CTHRC1: variants seen among roughly 807,000 people sequenced by gnomAD.
CTHRC1 encodes collagen triple helix repeat containing 1.
A neutral mutation model predicts 25.9 loss-of-function variants in CTHRC1; 21 were observed. The observed-to-expected ratio is 0.81, with a 90% CI of 0.57 to 1.17. CTHRC1 has a LOEUF of 1.17. Ranked by LOEUF, CTHRC1 falls within the 50% of genes most tolerant of loss-of-function variation. The pLI is 0.00. For missense variants in CTHRC1, 281 were observed against 304.3 expected (o/e 0.92, Z 0.57); for synonymous variants, 109 against 113.1 (o/e 0.96, Z 0.23).
chr8:103,375,750 T>G lies in CTHRC1; in HGVS notation c.163T>G (p.Cys55Gly), dbSNP rs1815791598. 7.4e-6 allele frequency: 12 copies of G among 1,613,960 alleles called. No individual in the cohort carries two copies. The highest frequency in any genetic ancestry group is 1.0e-5 in the Non-Finnish European group (12 of 1,179,874). The change falls in exon 2 of 4, where the codon TGC (cysteine) becomes GGC (glycine). Residue 55 changes from cysteine (C) to glycine (G), a missense_variant. Transcript: ENST00000330295. The part of the protein sequence containing the change: ...REVVDLYNGM[C>G]LQGPAGVPGR... The stretch of plus-strand genomic sequence containing the variant: ...TTTCTCATTATAGTATAATGGAATG[T>G]GCTTACAAGGGCCAGCAGGAGTGCC...
At chr8:103,378,322 C>T in intron 3 of CTHRC1, 79 bp downstream of exon 3, 2 of 1,150,080 alleles carry the variant, frequency 1.7e-6, no homozygotes, top group South Asian at 1.3e-5. Context: ...CATGTTGGTT[C>T]ACTAGCCTAC....
At position 103,375,927 on chromosome 8, in the gene CTHRC1, T is replaced by C. The variant is rs1252187917; in HGVS notation, c.340T>C (p.Leu114=). Residue 114 remains leucine, a synonymous_variant, in exon 2 of 4, where the codon TTG becomes CTG. Transcript: ENST00000330295. ...PNYKQCSWSS[L]NYGIDLGKIA... ...CTACAAGCAGTGTTCATGGAGTTCA[T>C]TGAATTATGGCATAGATCTTGGGAA... 1 of 1,614,030 alleles carries C rather than the reference T, an allele frequency of 6.2e-7. No homozygotes were observed. The highest frequency in any genetic ancestry group is 8.5e-7 in the Non-Finnish European group (1 of 1,179,912).
rs1264873507 is a variant in CTHRC1 at position 103,371,857 on chromosome 8, G to C, written c.150+51G>C. The C allele has an allele frequency of 2.1e-6, 3 of 1,453,974 alleles. No homozygotes were observed. In the South Asian group the frequency reaches 4.3e-5, roughly 21 times the overall value. 90.1% of individuals were successfully genotyped at this position (1,453,974 alleles called of 1,614,324 possible). A position where few individuals can be genotyped will look rare whatever the true frequency, so the allele number is the denominator to read the frequency against. On this transcript the variant is annotated intron_variant, in intron 1 of 3. Coordinates refer to ENST00000330295, the MANE Select transcript of CTHRC1 (RefSeq NM_138455.4). ...ACCGCCGCGCTGGTGGAGGGGACCT[G>C]GCCGCGCGCCCCACGGGCAGGGCGT... is the stretch of plus-strand genomic sequence containing the variant.
chr8:103,381,781 G>A (rs1328434743), intron 3 of CTHRC1, among the ~76,000 whole-genome samples: 1 of 152,078 alleles, frequency 6.6e-6, no homozygotes, highest in Non-Finnish European at 1.5e-5. Flanking sequence ...GGTAAATCAC[G>A]AGGTCAGGAG....
intron 3 of CTHRC1, among the ~76,000 whole-genome samples, chr8:103,379,475 T>TA (rs36063729): frequency 0.031 from 4,400 of 142,142 alleles, 160 homozygotes; most frequent in African/African-American, 0.097. Flanking sequence ...ATAGAAGAGT[T>TA]AAAAAAAAAA....
chr8:103,382,391 A>G (rs1035790316), intron 3 of CTHRC1, 67 bp from the exon 4 acceptor site: 16 of 1,535,902 alleles, frequency 1.0e-5, no homozygotes, highest in Non-Finnish European at 1.4e-5. Context: ...CTGAAGTTAT[A>G]AAATTTAACT....
At chr8:103,381,851 A>G (rs1250407832) in intron 3 of CTHRC1, among the ~76,000 whole-genome samples, 1 of 152,146 alleles carries the variant, frequency 6.6e-6, no homozygotes, top group Admixed American at 6.5e-5. Context: ...ACAAAAAATT[A>G]GCCAGGCGTG....
intron 3 of CTHRC1, among the ~76,000 whole-genome samples, 176 bp downstream of exon 3, chr8:103,378,419 C>T (rs994407578): frequency 2.6e-5 from 4 of 152,206 alleles, no homozygotes; most frequent in Non-Finnish European, 4.4e-5. Context: ...TTTAAAAATA[C>T]ATAGATGCCT....
chr8:103,375,588 A>G (rs1815789384), intron 1 of CTHRC1, 150 bp from the exon 2 acceptor site: 7 of 697,548 alleles, frequency 1.0e-5, no homozygotes, highest in Non-Finnish European at 1.5e-5. Context: ...TTTGAAAATG[A>G]ATTCTCTGTA....
chr8:103,381,691 T>C (rs1417420006), intron 3 of CTHRC1, among the ~76,000 whole-genome samples: 2 of 152,176 alleles, frequency 1.3e-5, no homozygotes, highest in East Asian at 3.8e-4. Context: ...AGAATTTCTT[T>C]TAATGTTATA....
chr8:103,376,160 TATC>T (rs1815803878), intron 2 of CTHRC1: 2 of 616,568 alleles, frequency 3.2e-6, no homozygotes, highest in East Asian at 2.7e-5. Flanking sequence ...GACAAATGCT[TATC>T]ATTTTAACCA....
intron 2 of CTHRC1, among the ~76,000 whole-genome samples, chr8:103,376,218 A>G (rs35500845): frequency 0.068 from 10,311 of 152,268 alleles, 446 homozygotes; most frequent in Non-Finnish European, 0.096. Context: ...AACAAAAGAG[A>G]GCATATGTGT....
chr8:103,371,873 G>A (rs1233727075), intron 1 of CTHRC1, 67 bp downstream of exon 1: 14 of 1,424,080 alleles, frequency 9.8e-6, no homozygotes, highest in Non-Finnish European at 1.3e-5. Context: ...GCGCCCCACG[G>A]GCAGGGCGTC....
intron 1 of CTHRC1, 67 bp from the exon 2 acceptor site, chr8:103,375,671 C>A (rs1392408447): frequency 1.5e-6 from 2 of 1,350,664 alleles, no homozygotes; most frequent in Non-Finnish European, 2.1e-6. Context: ...AAATGCATTT[C>A]TAATCATACT....
At chr8:103,372,539 C>T in intron 1 of CTHRC1, 1 of 1,598,264 alleles carries the variant, frequency 6.3e-7, no homozygotes. Context: ...TTACACACAC[C>T]CTGGGTCTTC....
At chr8:103,379,406 G>T (rs1244355371) in intron 3 of CTHRC1, among the ~76,000 whole-genome samples, 1 of 151,670 alleles carries the variant, frequency 6.6e-6, no homozygotes. Flanking sequence ...GAGCCACCAT[G>T]CCTGGCCTGT....
At chr8:103,372,851 A>C (rs1018708333) in intron 1 of CTHRC1, among the ~76,000 whole-genome samples, 1 of 152,038 alleles carries the variant, frequency 6.6e-6, no homozygotes. Flanking sequence ...ATTTTTTTTT[A>C]ATTAAAAAGA....
chr8:103,373,156 G>A (rs1228198402), intron 1 of CTHRC1, among the ~76,000 whole-genome samples: 16 of 152,136 alleles, frequency 1.1e-4, no homozygotes, highest in Admixed American at 1.0e-3. Context: ...TTTTTCCTGT[G>A]AAGCTTGCTA....
chr8:103,372,629 G>A, intron 1 of CTHRC1: 7 of 1,598,192 alleles, frequency 4.4e-6, no homozygotes, highest in Non-Finnish European at 5.9e-6. Context: ...TGAACGGCCC[G>A]AGTGCTTTCC....
Sources: allele counts gnomAD v4.1 joint callset (sites outside exome capture counted in the v4.1 genomes callset), GRCh38; gene constraint gnomAD v4.1.1; transcripts MANE v1.5; gene names NCBI Gene and HGNC (gene_info 2026-07-23, HGNC 2026-07-21).